The following NEK6 variants were observed in gnomAD, a reference collection of about 807,000 sequenced individuals.
The protein encoded by NEK6 is NIMA related kinase 6.
NEK6 carries 27 observed loss-of-function variants against 43.5 expected under a neutral mutation model. That is an observed-to-expected ratio of 0.62 (90% confidence interval 0.46 to 0.86). The LOEUF (loss-of-function observed/expected upper bound fraction) is 0.86. NEK6 is among the 40% of genes least tolerant of loss of function. The probability of loss-of-function intolerance (pLI) is 0.00; values close to 1 mark genes in which losing one functional copy is unlikely to be tolerated. For synonymous variants in NEK6, 167 were observed against 164.1 expected (o/e 1.02, Z -0.14); for missense variants, 318 against 414.4 (o/e 0.77, Z 2.02).
In NEK6 at chr9:124,347,788, A is replaced by AC. The variant is rs772717824; in HGVS notation, c.803dup (p.Leu269ThrfsTer21). 2 of 1,610,722 alleles carry AC rather than the reference A, an allele frequency of 1.2e-6. No homozygotes were observed. Among genetic ancestry groups the AC allele is most frequent in the Non-Finnish European group, 1.7e-6 (2 of 1,178,522 alleles). ...TGCCAGAAGATCGAGCAGTGTGACT[A>AC]CCCCCCACTCCCCGGGGAGCACTAC... On this transcript the variant is annotated frameshift_variant, in exon 9 of 10. Transcript: ENST00000320246. LOFTEE classifies it high-confidence loss of function.
At chr9:124,330,128 TAGTC>T (rs1033209337) in intron 7 of NEK6, among the ~76,000 whole-genome samples, 4 of 152,160 alleles carry the variant, frequency 2.6e-5, no homozygotes, top group Non-Finnish European at 2.9e-5. Flanking sequence ...GAAAGGGCAT[TAGTC>T]AGTGCCATGG....
At chr9:124,284,893 C>T (rs528837022) in intron 1 of NEK6, among the ~76,000 whole-genome samples, 7 of 152,346 alleles carry the variant, frequency 4.6e-5, no homozygotes, top group Middle Eastern at 3.4e-3. Context: ...ACCACTCTGA[C>T]TCTCAGTTTC....
chr9:124,317,185 G>A (rs780056315), intron 4 of NEK6, among the ~76,000 whole-genome samples: 1 of 152,194 alleles, frequency 6.6e-6, no homozygotes, highest in Non-Finnish European at 1.5e-5. Flanking sequence ...TGAGGGCAGC[G>A]ATGTGATGGC....
At chr9:124,310,843 C>G (rs1312965785) in intron 2 of NEK6, among the ~76,000 whole-genome samples, 1 of 152,252 alleles carries the variant, frequency 6.6e-6, no homozygotes, top group Non-Finnish European at 1.5e-5. Flanking sequence ...GCCTCGGCCT[C>G]CCACAGTGCT....
intron 2 of NEK6, among the ~76,000 whole-genome samples, chr9:124,310,714 C>T (rs1288961836): frequency 6.6e-6 from 1 of 152,192 alleles, no homozygotes; most frequent in Non-Finnish European, 1.5e-5. Context: ...TCTCCTGCCT[C>T]GGCCTCCCAA....
chr9:124,327,514 A>T, intron 7 of NEK6, 69 bp downstream of exon 7: 1 of 1,199,196 alleles, frequency 8.3e-7, no homozygotes, highest in South Asian at 1.2e-5. Context: ...AGACGCAAAC[A>T]TTCTCCCCAC....
chr9:124,310,882 G>T (rs1373834924), intron 2 of NEK6, among the ~76,000 whole-genome samples: 1 of 152,236 alleles, frequency 6.6e-6, no homozygotes, highest in African/African-American at 2.4e-5. Context: ...CACTGCGCCT[G>T]GCCTAGAAGA....
intron 1 of NEK6, among the ~76,000 whole-genome samples, chr9:124,260,685 G>A (rs1270059227): frequency 6.6e-6 from 1 of 152,234 alleles, no homozygotes; most frequent in Non-Finnish European, 1.5e-5. Context: ...ACAGGCATGA[G>A]CCACCATGCC....
intron 4 of NEK6, among the ~76,000 whole-genome samples, chr9:124,319,199 G>T (rs1833949800): frequency 6.6e-6 from 1 of 151,730 alleles, no homozygotes. Context: ...TGGCCAGGCT[G>T]GTCTCGAACT....
chr9:124,317,512 C>G (rs546118017), intron 4 of NEK6, among the ~76,000 whole-genome samples: 1 of 152,200 alleles, frequency 6.6e-6, no homozygotes, highest in East Asian at 1.9e-4. Context: ...CACGTCTGGC[C>G]CACCTTCTTT....
chr9:124,326,490 C>G lies in NEK6; in HGVS notation c.514+52C>G. 1.5e-6 allele frequency: 2 copies of G among 1,360,324 alleles called. No individual in the cohort carries two copies. The highest frequency in any genetic ancestry group is 2.1e-6 in the Non-Finnish European group (2 of 961,298). The allele number at this position is 1,360,324 out of a possible 1,614,324, so 84.3% of individuals were successfully genotyped here. A position where few individuals can be genotyped will look rare whatever the true frequency, so the allele number is the denominator to read the frequency against. On this transcript the variant is annotated intron_variant, in intron 6 of 9. Transcript: ENST00000320246. The surrounding 1 kb of genome is among the most constrained non-coding windows in gnomAD (Gnocchi z 4.5). ...CGGAGCCACCTGGAGCCCAGGAAGA[C>G]ACTTCCTCATGGCTCCTCCAGGGTC...
chr9:124,307,817 G>A (rs539790630), intron 2 of NEK6, among the ~76,000 whole-genome samples: 1 of 152,166 alleles, frequency 6.6e-6, no homozygotes, highest in Admixed American at 6.5e-5. Context: ...GGTGCACGTC[G>A]TCAGCCCCAC....
intron 1 of NEK6, among the ~76,000 whole-genome samples, chr9:124,297,103 G>A (rs1303627235): frequency 6.6e-6 from 1 of 152,222 alleles, no homozygotes; most frequent in African/African-American, 2.4e-5. Flanking sequence ...GTCCTAAAGA[G>A]GCCATGCTGC....
At chr9:124,325,570 G>C (rs1381345450) in intron 5 of NEK6, among the ~76,000 whole-genome samples, 1 of 152,366 alleles carries the variant, frequency 6.6e-6, no homozygotes, top group East Asian at 1.9e-4. Flanking sequence ...CACAGGCATG[G>C]GCCTGGCACC....
At chr9:124,291,811 G>A in intron 1 of NEK6, 1 of 985,384 alleles carries the variant, frequency 1.0e-6, no homozygotes, top group East Asian at 1.1e-4. Context: ...GTAAGCAGGG[G>A]GCTCCGTGGC....
chr9:124,333,773 C>CT (rs148074227), intron 7 of NEK6, among the ~76,000 whole-genome samples: 8,953 of 119,892 alleles, frequency 0.075, 784 homozygotes, highest in East Asian at 0.4. Flanking sequence ...CATTTCAGTC[C>CT]TTTTTTTTTT....
intron 8 of NEK6, 67 bp downstream of exon 8, chr9:124,339,732 G>A: frequency 1.7e-6 from 2 of 1,160,042 alleles, no homozygotes; most frequent in Non-Finnish European, 2.6e-6. Context: ...AGTTAGGACA[G>A]GGCTCACCCT....
Position 124,351,809 on chromosome 9 carries a change from C to T in NEK6, c.*862C>T, listed in dbSNP as rs1021914068. On this transcript the variant is annotated 3_prime_UTR_variant, in exon 10 of 10. Transcript: ENST00000320246. ...TCTTAGCCGTTCTGAGCCTTCATTT[C>T]CTCATCTGTACAATGAGATTAATAG... 1.6e-4 allele frequency: 24 copies of T among 152,210 alleles called. No individual in the cohort carries two copies. Among genetic ancestry groups the T allele is most frequent in the African/African-American group, 5.6e-4 (23 of 41,440 alleles). The allele number at this position is 152,210 out of a possible 1,614,324, so 9.4% of individuals were successfully genotyped here.
chr9:124,271,889 G>T (rs1483657340), intron 1 of NEK6, among the ~76,000 whole-genome samples: 1 of 152,268 alleles, frequency 6.6e-6, no homozygotes, highest in Non-Finnish European at 1.5e-5. Context: ...CAGCTCTGTG[G>T]CTGTACTTGT....
Sources: gnomAD v4.1 joint callset for allele counts (sites outside exome capture counted in the v4.1 genomes callset) on GRCh38, gnomAD v4.1.1 for gene constraint, Gnocchi (gnomAD v3.1) non-coding constraint, MANE v1.5 for transcripts, NCBI Gene and HGNC (gene_info 2026-07-23, HGNC 2026-07-21) for gene names.